USP32: variants seen among roughly 807,000 people sequenced by gnomAD.
USP32 encodes the protein ubiquitin specific peptidase 32, also known as ubiquitin carboxyl-terminal hydrolase 32.
Under a neutral mutation model 204.8 loss-of-function variants are expected in USP32, and 59 were observed. That is an observed-to-expected ratio of 0.29 (90% CI 0.23 to 0.36). The LOEUF (loss-of-function observed/expected upper bound fraction) is 0.36, where lower values mean the gene tolerates loss of function less well. Among genes scored for constraint, USP32 ranks in the 10% least tolerant of loss-of-function variants. The pLI is 1.00. For synonymous variants in USP32, 517 were observed against 678.4 expected, an observed-to-expected ratio of 0.76 and a Z score of 3.70; for missense variants, 1,160 against 1,946.4, an observed-to-expected ratio of 0.60 and a Z score of 7.60.
chr17:60,338,912 C>T (rs892930536), intron 2 of USP32, among the ~76,000 whole-genome samples: 1 of 151,936 alleles, frequency 6.6e-6, no homozygotes, highest in East Asian at 1.9e-4. Flanking sequence ...TTCTTTGTTT[C>T]TTTCTTTCTT....
At chr17:60,417,309 C>T (rs910286858) in intron 1 of USP32, among the ~76,000 whole-genome samples, 1 of 151,886 alleles carries the variant, frequency 6.6e-6, no homozygotes, top group Non-Finnish European at 1.5e-5. Context: ...GCATACATAC[C>T]CTTTTATGTT....
intron 9 of USP32, chr17:60,256,905 G>T: frequency 4.6e-6 from 2 of 432,478 alleles, no homozygotes; most frequent in South Asian, 2.0e-5. Context: ...CCTTCCCATA[G>T]AATAAAAAAC....
chr17:60,255,364 C>A, intron 9 of USP32, 106 bp from the exon 10 acceptor site: 2 of 796,578 alleles, frequency 2.5e-6, no homozygotes, highest in Non-Finnish European at 3.7e-6. Context: ...ATGGCACGAT[C>A]TTGGCTCACT....
intron 27 of USP32, among the ~76,000 whole-genome samples, chr17:60,197,371 G>A (rs765248959): frequency 2.0e-5 from 3 of 152,214 alleles, no homozygotes; most frequent in Non-Finnish European, 4.4e-5. Context: ...TTGGGAGGCT[G>A]AGGCAGGTGG....
At chr17:60,286,546 C>T (rs895002163) in intron 5 of USP32, among the ~76,000 whole-genome samples, 6 of 152,036 alleles carry the variant, frequency 3.9e-5, no homozygotes, top group African/African-American at 9.7e-5. Flanking sequence ...TTTGAGGGGC[C>T]GAGGGGCCTA....
chr17:60,269,272 G>T (rs1445756090), intron 7 of USP32, among the ~76,000 whole-genome samples, 178 bp downstream of exon 7: 2 of 152,108 alleles, frequency 1.3e-5, no homozygotes, highest in Non-Finnish European at 2.9e-5. Flanking sequence ...TAGTAAAAAA[G>T]AAGAGGTGAT....
intron 1 of USP32, among the ~76,000 whole-genome samples, chr17:60,380,634 A>G (rs2089631734): frequency 6.6e-6 from 1 of 152,246 alleles, no homozygotes; most frequent in Non-Finnish European, 1.5e-5. Context: ...TGCTTATTGT[A>G]GAGAAGTGGT....
At chr17:60,282,808 A>G (rs1432075447) in intron 5 of USP32, among the ~76,000 whole-genome samples, 1 of 152,206 alleles carries the variant, frequency 6.6e-6, no homozygotes, top group East Asian at 1.9e-4. Context: ...GAGGCAATCA[A>G]ATGTTTAAAT....
intron 1 of USP32, among the ~76,000 whole-genome samples, chr17:60,353,079 G>T (rs2088988038): frequency 6.6e-6 from 1 of 152,178 alleles, no homozygotes; most frequent in Admixed American, 6.5e-5. Context: ...ATATGTTGAA[G>T]CCCTAACACA....
At chr17:60,243,283 A>G (rs1252588359) in intron 11 of USP32, among the ~76,000 whole-genome samples, 3 of 152,170 alleles carry the variant, frequency 2.0e-5, no homozygotes, top group Non-Finnish European at 4.4e-5. Context: ...GGTTTTCTAC[A>G]CATAGGATCA....
chr17:60,270,921 G>A (rs1387652938), intron 6 of USP32, among the ~76,000 whole-genome samples: 1 of 151,860 alleles, frequency 6.6e-6, no homozygotes, highest in Non-Finnish European at 1.5e-5. Context: ...TTTTTGGAGG[G>A]GAGAATACAG....
intron 11 of USP32, among the ~76,000 whole-genome samples, chr17:60,246,580 T>C (rs2086033515): frequency 6.6e-6 from 1 of 152,226 alleles, no homozygotes; most frequent in East Asian, 1.9e-4. Context: ...CGCTGGATAA[T>C]ATGGTGGATC....
chr17:60,398,588 A>ATGT (rs1345241839), intron 1 of USP32, among the ~76,000 whole-genome samples: 1 of 152,106 alleles, frequency 6.6e-6, no homozygotes, highest in Non-Finnish European at 1.5e-5. Context: ...TTGAGTATAA[A>ATGT]TGTTGCAAAT....
At chr17:60,294,861 A>T in intron 3 of USP32, 60 bp from the exon 4 acceptor site, 3 of 1,088,040 alleles carry the variant, frequency 2.8e-6, no homozygotes, top group Non-Finnish European at 4.1e-6. Flanking sequence ...ACGTTGGTGG[A>T]AGTAGGGAGA....
chr17:60,419,406 T>C (rs2090087564), intron 1 of USP32, among the ~76,000 whole-genome samples: 2 of 152,192 alleles, frequency 1.3e-5, no homozygotes, highest in South Asian at 4.1e-4. Flanking sequence ...GAAAAATAAC[T>C]AATGGGTACT....
intron 1 of USP32, among the ~76,000 whole-genome samples, chr17:60,347,782 G>A (rs1045348672): frequency 9.9e-5 from 15 of 151,788 alleles, no homozygotes; most frequent in African/African-American, 3.4e-4. Flanking sequence ...AGCCAGTACC[G>A]AGAAACTTCA....
intron 9 of USP32, among the ~76,000 whole-genome samples, chr17:60,257,343 G>T (rs1203354484): frequency 1.3e-5 from 2 of 152,134 alleles, no homozygotes; most frequent in African/African-American, 4.8e-5. Flanking sequence ...CCAATTGGGG[G>T]GAGTCAGTAT....
chr17:60,365,250 G>A (rs2089289711), intron 1 of USP32, among the ~76,000 whole-genome samples: 2 of 152,112 alleles, frequency 1.3e-5, no homozygotes, highest in Non-Finnish European at 2.9e-5. Flanking sequence ...GGAGGCCGAG[G>A]CGGGTGGATC....
chr17:60,268,343 C>T (rs1031602412), intron 7 of USP32, among the ~76,000 whole-genome samples: 15 of 151,000 alleles, frequency 9.9e-5, no homozygotes, highest in African/African-American at 2.9e-4. Flanking sequence ...CTGAGGTGGG[C>T]GGATCATTTA....
Sources: allele counts gnomAD v4.1 joint callset (sites outside exome capture counted in the v4.1 genomes callset), GRCh38; gene constraint gnomAD v4.1.1; transcripts MANE v1.5; gene names NCBI Gene and HGNC (gene_info 2026-07-23, HGNC 2026-07-21).